Variants in LRPPRC observed in about 807,000 individuals in gnomAD.
The protein encoded by LRPPRC is leucine-rich PPR motif-containing protein, mitochondrial.
Under a neutral mutation model 180.3 loss-of-function variants are expected in LRPPRC, and 120 were observed. The ratio of observed to expected loss-of-function variants is 0.67; its 90% CI spans 0.57 to 0.77. The LOEUF is 0.77. LRPPRC is among the 30% of genes least tolerant of loss of function. The pLI is 0.00. For missense variants in LRPPRC, 2,012 were observed against 1,657.2 expected (o/e 1.21, Z -3.72); for synonymous variants, 723 against 600.0 (o/e 1.21, Z -3.00).
chr2:43,982,061 C>G (rs1329513865), intron 2 of LRPPRC, among the ~76,000 whole-genome samples, 177 bp downstream of exon 2: 1 of 152,122 alleles, frequency 6.6e-6, no homozygotes, highest in Non-Finnish European at 1.5e-5. Flanking sequence ...GCACGCGCCA[C>G]CATGCCTGGC....
chr2:43,896,823 G>A (rs535900509), intron 34 of LRPPRC, 115 bp from the exon 35 acceptor site: 9 of 725,690 alleles, frequency 1.2e-5, no homozygotes, highest in Non-Finnish European at 2.0e-5. Flanking sequence ...ATTACCAATA[G>A]GAAGGCCTAA....
At chr2:43,968,449 TAGGGC>T (rs1362255208) in intron 11 of LRPPRC, among the ~76,000 whole-genome samples, 1 of 152,202 alleles carries the variant, frequency 6.6e-6, no homozygotes, top group Non-Finnish European at 1.5e-5. Flanking sequence ...TCTAAATTCT[TAGGGC>T]AAGATTGCAG....
chr2:43,889,699 G>C, intron 37 of LRPPRC, 35 bp downstream of exon 37: 1 of 1,511,870 alleles, frequency 6.6e-7, no homozygotes, highest in Non-Finnish European at 9.2e-7. Context: ...TAAATCTGCA[G>C]AGGTATTTTT....
chr2:43,990,101 C>G (rs1489257015), intron 1 of LRPPRC, among the ~76,000 whole-genome samples: 1 of 152,102 alleles, frequency 6.6e-6, no homozygotes. Context: ...CGCCTGTCGT[C>G]CCAGCTACTT....
intron 25 of LRPPRC, among the ~76,000 whole-genome samples, chr2:43,933,800 T>G (rs1372699642): frequency 1.3e-5 from 2 of 152,200 alleles, no homozygotes; most frequent in African/African-American, 2.4e-5. Context: ...CAAATAAATC[T>G]TGAGCATGGT....
chr2:43,951,265 A>G (rs1299552524), intron 14 of LRPPRC, among the ~76,000 whole-genome samples: 1 of 152,240 alleles, frequency 6.6e-6, no homozygotes, highest in Non-Finnish European at 1.5e-5. Context: ...AATACAGTAA[A>G]ATAAGATAAA....
chr2:43,896,365 C>G lies in LRPPRC; in HGVS notation c.3900+269G>C, dbSNP rs781340963. On this transcript the variant is annotated intron_variant, in intron 35 of 37. Transcript: ENST00000260665. ...GGATTACAGGTGTGAGCCACCATGC[C>G]CAGCCTAATCTTGCATTTTTTAAGG... The G allele has an allele frequency of 1.4e-5, 5 of 349,846 alleles. 1 individual carries two copies. Among genetic ancestry groups the G allele is most frequent in the South Asian group, 1.3e-4 (5 of 37,224 alleles). The allele number at this position is 349,846 out of a possible 1,614,324, so 21.7% of individuals were successfully genotyped here. A position where few individuals can be genotyped will look rare whatever the true frequency, so the allele number is the denominator to read the frequency against.
intron 23 of LRPPRC, 89 bp from the exon 24 acceptor site, chr2:43,934,967 G>C: frequency 1.9e-6 from 2 of 1,043,470 alleles, no homozygotes; most frequent in South Asian, 1.4e-5. Flanking sequence ...TTAATGACCA[G>C]TTAATATGTA....
chr2:43,907,459 G>GA (rs1281957807), intron 30 of LRPPRC, among the ~76,000 whole-genome samples: 4 of 152,042 alleles, frequency 2.6e-5, no homozygotes, highest in African/African-American at 9.7e-5. Context: ...TTTCCTTCTG[G>GA]AAAAAATCGA....
At chr2:43,991,695 C>T (rs1049304789) in intron 1 of LRPPRC, among the ~76,000 whole-genome samples, 3 of 152,098 alleles carry the variant, frequency 2.0e-5, no homozygotes, top group Non-Finnish European at 4.4e-5. Flanking sequence ...AATAGATGTA[C>T]TGAGATGGGA....
intron 1 of LRPPRC, among the ~76,000 whole-genome samples, chr2:43,987,009 A>T (rs1397470434): frequency 3.9e-5 from 6 of 152,206 alleles, no homozygotes; most frequent in Non-Finnish European, 7.3e-5. Context: ...CCCTAATTTA[A>T]CTATTCCACT....
chr2:43,974,403 C>T (rs1673957371), intron 8 of LRPPRC, 108 bp from the exon 9 acceptor site: 6 of 881,924 alleles, frequency 6.8e-6, no homozygotes, highest in African/African-American at 6.6e-5. Flanking sequence ...ACATCAAAAG[C>T]ATATAACTGC....
intron 29 of LRPPRC, 44 bp downstream of exon 29, chr2:43,917,981 A>G: frequency 7.2e-7 from 1 of 1,391,284 alleles, no homozygotes; most frequent in Non-Finnish European, 1.0e-6. Context: ...TATTAGAAAG[A>G]AGACCACCCC....
intron 14 of LRPPRC, among the ~76,000 whole-genome samples, chr2:43,956,328 T>C (rs1445052561): frequency 6.6e-6 from 1 of 152,136 alleles, no homozygotes; most frequent in Non-Finnish European, 1.5e-5. Context: ...ACTACATATA[T>C]CAGATGGTGG....
At chr2:43,971,738 CTAA>C (rs1403108359) in intron 11 of LRPPRC, among the ~76,000 whole-genome samples, 1 of 151,854 alleles carries the variant, frequency 6.6e-6, no homozygotes, top group African/African-American at 2.4e-5. Flanking sequence ...GTTCATTGCA[CTAA>C]TAAGAATGTT....
chr2:43,890,006 TAAG>T (rs1339947561), intron 36 of LRPPRC, 130 bp from the exon 37 acceptor site: 3 of 677,324 alleles, frequency 4.4e-6, no homozygotes, highest in African/African-American at 1.8e-5. Flanking sequence ...CTACTTTCAG[TAAG>T]AAGCCACATT....
chr2:43,891,848 G>A (rs137991356), intron 36 of LRPPRC, among the ~76,000 whole-genome samples: 42 of 152,376 alleles, frequency 2.8e-4, no homozygotes, highest in Non-Finnish European at 5.4e-4. Context: ...GGCTTCTTGC[G>A]TGGAACAGCC....
chr2:43,966,441 G>A (rs868529368), intron 11 of LRPPRC, among the ~76,000 whole-genome samples: 26 of 149,686 alleles, frequency 1.7e-4, no homozygotes, highest in African/African-American at 5.9e-4. Flanking sequence ...ACGGAGTTTC[G>A]CTCTTGTTGT....
At chr2:43,978,089 C>T (rs1674139359) in intron 3 of LRPPRC, among the ~76,000 whole-genome samples, 1 of 152,132 alleles carries the variant, frequency 6.6e-6, no homozygotes, top group African/African-American at 2.4e-5. Flanking sequence ...AGGCACTATG[C>T]TAAGTGTTCC....
Sources: gnomAD v4.1 joint callset for allele counts (sites outside exome capture counted in the v4.1 genomes callset) on GRCh38, gnomAD v4.1.1 for gene constraint, MANE v1.5 for transcripts, NCBI Gene and HGNC (gene_info 2026-07-23, HGNC 2026-07-21) for gene names.